Variants in SFI1 observed in about 807,000 individuals in gnomAD.
SFI1 encodes the protein SFI1 centrin binding protein, also known as protein SFI1 homolog.
SFI1 carries 195 observed loss-of-function variants against 207.5 expected under a neutral mutation model. The observed-to-expected ratio is 0.94, with a 90% CI of 0.84 to 1.06. The LOEUF (loss-of-function observed/expected upper bound fraction) is 1.06. SFI1 is among the 50% of genes least tolerant of loss of function. The pLI, the probability that SFI1 is intolerant of heterozygous loss-of-function variation, is 0.00. For missense variants in SFI1, 1,634 were observed against 1,588.0 expected (o/e 1.03, Z -0.49); for synonymous variants, 630 against 598.9 (o/e 1.05, Z -0.76).
chr22:31,504,071 T>C (rs2054252496), intron 1 of SFI1, among the ~76,000 whole-genome samples: 1 of 152,180 alleles, frequency 6.6e-6, no homozygotes, highest in Admixed American at 6.6e-5. Context: ...AGATCAGATG[T>C]GATTCCTGTT....
In SFI1 at chr22:31,508,387, G is replaced by A; in HGVS notation, c.92+11G>A. On this transcript the variant is annotated intron_variant, in intron 2 of 32. Transcript: ENST00000400288. ...GAAGGTTGATTCCAGGTGAGTGATG[G>A]GACTTGAGAAAAAAATATAACTGGA... is the stretch of plus-strand genomic sequence containing the variant. The A allele has an allele frequency of 1.3e-6, 2 of 1,570,544 alleles. No homozygotes were observed.
At chr22:31,552,650 C>A (rs1334348967) in intron 6 of SFI1, among the ~76,000 whole-genome samples, 2 of 152,058 alleles carry the variant, frequency 1.3e-5, no homozygotes, top group African/African-American at 4.8e-5. Flanking sequence ...GAGCAGGTGT[C>A]TTTTTAATAT....
At chr22:31,607,090 C>T (rs544385798) in intron 21 of SFI1, among the ~76,000 whole-genome samples, 14 of 151,958 alleles carry the variant, frequency 9.2e-5, no homozygotes, top group Non-Finnish European at 1.9e-4. Flanking sequence ...AAAAAATACC[C>T]GAAGCTAGCC....
intron 1 of SFI1, among the ~76,000 whole-genome samples, chr22:31,501,051 C>T (rs2053678155): frequency 6.6e-6 from 1 of 152,012 alleles, no homozygotes; most frequent in Admixed American, 6.6e-5. Flanking sequence ...CCCACCTTGG[C>T]CTCCCAAAGT....
chr22:31,581,168 G>A (rs1180728010), intron 12 of SFI1, among the ~76,000 whole-genome samples: 1 of 151,668 alleles, frequency 6.6e-6, no homozygotes, highest in African/African-American at 2.4e-5. Context: ...TTTTGTAGAT[G>A]GGGTCCTACT....
intron 5 of SFI1, among the ~76,000 whole-genome samples, chr22:31,548,799 A>T (rs1179971502): frequency 6.6e-6 from 1 of 151,560 alleles, no homozygotes; most frequent in Non-Finnish European, 1.5e-5. Flanking sequence ...ACAGAGTGAG[A>T]CTCTGTCTCA....
Position 31,602,585 on chromosome 22 carries a change from TCTCCTTC to T in SFI1, c.1627-19_1627-13del, listed in dbSNP as rs1366582098. 1 of 1,612,940 alleles carries T rather than the reference TCTCCTTC, an allele frequency of 6.2e-7. No individual in the cohort carries two copies. Among genetic ancestry groups the T allele is most frequent in the Admixed American group, 1.7e-5 (1 of 59,906 alleles). ...CTCTCCTACTTGATTTATTCTGTTC[TCTCCTTC>T]CTGTCCTGCCTCAGGCCATCCTTCA... On this transcript the variant is annotated splice_polypyrimidine_tract_variant and intron_variant, in intron 16 of 32. Transcript: ENST00000400288.
intron 4 of SFI1, among the ~76,000 whole-genome samples, chr22:31,544,813 A>T (rs2059918051): frequency 6.6e-6 from 1 of 152,144 alleles, no homozygotes; most frequent in Non-Finnish European, 1.5e-5. Flanking sequence ...AATCAATATT[A>T]AAAAATTTTT....
At chr22:31,554,827 CACTA>C (rs927076719) in intron 6 of SFI1, among the ~76,000 whole-genome samples, 17 of 151,902 alleles carry the variant, frequency 1.1e-4, no homozygotes, top group African/African-American at 4.1e-4. Flanking sequence ...TTCTCTTAAA[CACTA>C]ACTATATTAC....
At chr22:31,547,575 T>G (rs1319601397) in intron 5 of SFI1, among the ~76,000 whole-genome samples, 4 of 152,014 alleles carry the variant, frequency 2.6e-5, no homozygotes, top group Non-Finnish European at 4.4e-5. Flanking sequence ...CCTCCCGAAG[T>G]GCTGGGATTA....
chr22:31,537,338 C>T (rs748821970), intron 4 of SFI1, among the ~76,000 whole-genome samples: 7 of 152,286 alleles, frequency 4.6e-5, no homozygotes, highest in African/African-American at 1.2e-4. Context: ...GCTTTGTCAC[C>T]GGCCACCTTT....
At chr22:31,522,458 G>T (rs982138594) in intron 2 of SFI1, among the ~76,000 whole-genome samples, 1 of 152,130 alleles carries the variant, frequency 6.6e-6, no homozygotes, top group African/African-American at 2.4e-5. Context: ...ATCATCCCAT[G>T]TGGAAATTCT....
intron 11 of SFI1, 171 bp from the exon 12 acceptor site, chr22:31,580,100 TC>T (rs2146074285): frequency 1.7e-6 from 1 of 577,590 alleles, no homozygotes; most frequent in South Asian, 2.1e-5. Flanking sequence ...TGTGTTAGGC[TC>T]CCAGTTGAAT....
intron 8 of SFI1, among the ~76,000 whole-genome samples, chr22:31,570,969 G>A (rs1173079914): frequency 6.6e-6 from 1 of 152,232 alleles, no homozygotes; most frequent in East Asian, 1.9e-4. Context: ...GAGCGATGTG[G>A]AGATTGCCGA....
chr22:31,542,651 T>C (rs1017360405), intron 4 of SFI1, among the ~76,000 whole-genome samples: 2 of 151,330 alleles, frequency 1.3e-5, no homozygotes, highest in African/African-American at 4.8e-5. Flanking sequence ...ATAAATACTA[T>C]TATTTATTTA....
rs552894848 is a variant in SFI1 at position 31,529,726 on chromosome 22, C to T, written c.266+863C>T. ...AAGGATGTGGTACCACAGGCAAATACGGCGAGAACAGCCACACTAGTATAG... is the reference window on the plus strand; with the variant it reads ...AAGGATGTGGTACCACAGGCAAATATGGCGAGAACAGCCACACTAGTATAG... On this transcript the variant is annotated intron_variant, in intron 3 of 32. Coordinates refer to ENST00000400288, the MANE Select transcript of SFI1 (RefSeq NM_001007467.3). 2.0e-4 allele frequency among the ~76,000 whole-genome samples: 31 copies of T among 152,226 alleles called. No individual in the cohort carries two copies. The Middle Eastern group carries it at 0.014, about 67-fold the overall frequency.
chr22:31,510,035 A>C (rs2055257365), intron 2 of SFI1, among the ~76,000 whole-genome samples: 1 of 151,612 alleles, frequency 6.6e-6, no homozygotes, highest in African/African-American at 2.4e-5. Flanking sequence ...ATTCTCCATC[A>C]TGTTGGCCAG....
At chr22:31,506,310 AG>A (rs2146548257) in intron 1 of SFI1, among the ~76,000 whole-genome samples, 1 of 152,204 alleles carries the variant, frequency 6.6e-6, no homozygotes, top group East Asian at 1.9e-4. Flanking sequence ...AGCCTCCCAA[AG>A]GGCTGGGATT....
intron 19 of SFI1, 68 bp from the exon 20 acceptor site, chr22:31,604,801 C>G: frequency 6.8e-7 from 1 of 1,468,008 alleles, no homozygotes; most frequent in South Asian, 1.2e-5. Flanking sequence ...AGATGCACCT[C>G]TGAGGCCTGC....
Sources: allele counts gnomAD v4.1 joint callset (sites outside exome capture counted in the v4.1 genomes callset), GRCh38; gene constraint gnomAD v4.1.1; transcripts MANE v1.5; gene names NCBI Gene and HGNC (gene_info 2026-07-23, HGNC 2026-07-21).